The following ARHGAP39 variants were observed in gnomAD, a reference collection of about 807,000 sequenced individuals.
ARHGAP39 encodes Rho GTPase activating protein 39, also known as rho GTPase-activating protein 39.
ARHGAP39 carries 44 observed loss-of-function variants against 106.9 expected under a neutral mutation model. The observed-to-expected ratio is 0.41, with a 90% CI of 0.32 to 0.53. ARHGAP39 has a LOEUF of 0.53. ARHGAP39 is among the 20% of genes least tolerant of loss of function. The pLI, the probability that ARHGAP39 is intolerant of heterozygous loss-of-function variation, is 0.21. For missense variants in ARHGAP39, 1,496 were observed against 1,577.3 expected (o/e 0.95, Z 0.87); for synonymous variants, 768 against 693.2 (o/e 1.11, Z -1.69).
intron 3 of ARHGAP39, among the ~76,000 whole-genome samples, chr8:144,571,335 A>G (rs988574183): frequency 7.2e-5 from 11 of 152,230 alleles, no homozygotes; most frequent in African/African-American, 2.7e-4. Context: ...ACATACGCAA[A>G]TCAACAAATG....
upstream of ARHGAP39, among the ~76,000 whole-genome samples, chr8:144,685,979 C>T (rs1822580916): frequency 6.6e-6 from 1 of 151,280 alleles, no homozygotes; most frequent in Non-Finnish European, 1.5e-5. Flanking sequence ...CGCGGCATGC[C>T]GGGAGCCGGA....
intron 7 of ARHGAP39, among the ~76,000 whole-genome samples, chr8:144,536,345 G>A (rs924530668): frequency 2.0e-5 from 3 of 152,098 alleles, no homozygotes; most frequent in Non-Finnish European, 4.4e-5. Flanking sequence ...GCCACCAGGT[G>A]TGGCCAGGGC....
chr8:144,534,981 G>A (rs922362070), intron 7 of ARHGAP39, among the ~76,000 whole-genome samples: 3 of 152,194 alleles, frequency 2.0e-5, no homozygotes, highest in African/African-American at 4.8e-5. Context: ...GCTCCAGGTC[G>A]GGAAGCAGCA....
At position 144,645,307 on chromosome 8, in the gene ARHGAP39, T is replaced by C. The variant is rs899969890; in HGVS notation, c.-81-39612A>G. Among the ~76,000 whole-genome samples the C allele has an allele frequency of 6.6e-6, 1 of 152,240 alleles. No homozygotes were observed. Among genetic ancestry groups the C allele is most frequent in the African/African-American group, 2.4e-5 (1 of 41,468 alleles). Reference sequence around the variant, plus strand: ...AGAAGTCCAGGTGTCAAGGAGAGGTTGGCCATGAGGTCAGATGCCCAGCTG... The same window carrying C: ...AGAAGTCCAGGTGTCAAGGAGAGGTCGGCCATGAGGTCAGATGCCCAGCTG... On this transcript the variant is annotated intron_variant, in intron 1 of 11. Coordinates refer to ENST00000377307, the MANE Select transcript of ARHGAP39 (RefSeq NM_025251.3). This position sits in a 1 kb window ranked among gnomAD's most constrained non-coding sequence, Gnocchi z 4.4.
chr8:144,566,624 G>C (rs1010483149), intron 3 of ARHGAP39, among the ~76,000 whole-genome samples: 1 of 152,198 alleles, frequency 6.6e-6, no homozygotes, highest in South Asian at 2.1e-4. Context: ...GGGAGGCCAA[G>C]GTGGGCAGAT....
rs780728640 is a variant in ARHGAP39 at position 144,580,934 on chromosome 8, G to A, written c.424C>T (p.Pro142Ser). Residue 142 changes from proline (P) to serine (S), a missense_variant, in exon 3 of 12, where the codon CCC (proline) becomes TCC (serine). By Grantham distance (74) the Pro-to-Ser change is moderately conservative (BLOSUM62 -1). Around this residue, in one of 4 missense-constraint regions of ARHGAP39, gnomAD observed 905 missense variants for 816.4 expected, o/e 1.11. Coordinates refer to ENST00000377307, the MANE Select transcript of ARHGAP39 (RefSeq NM_025251.3). Reference protein sequence around the residue: ...REGSTSSSLEPEPDTEKAQEL... With the variant: ...REGSTSSSLESEPDTEKAQEL... ...TGCGCTTTCTCAGTGTCGGGCTCGGGCTCCAGGGAGGAGCTGGTGCTGCCC... is the reference window on the plus strand; with the variant it reads ...TGCGCTTTCTCAGTGTCGGGCTCGGACTCCAGGGAGGAGCTGGTGCTGCCC... The A allele has an allele frequency of 1.6e-5, 26 of 1,605,262 alleles. No individual in the cohort carries two copies. Among genetic ancestry groups the A allele is most frequent in the Non-Finnish European group, 2.0e-5 (24 of 1,178,190 alleles).
intron 1 of ARHGAP39, among the ~76,000 whole-genome samples, chr8:144,614,354 A>ATTTT (rs553972832): frequency 0.023 from 3,079 of 136,582 alleles, 112 homozygotes; most frequent in African/African-American, 0.078. Context: ...TCCTGTTACT[A>ATTTT]TTTTTTTTTT....
chr8:144,584,324 T>C (rs994249219), intron 2 of ARHGAP39: 4 of 152,124 alleles, frequency 2.6e-5, no homozygotes, highest in Non-Finnish European at 4.4e-5. Context: ...TCAGTTGCTT[T>C]TCACACTGAA....
chr8:144,552,141 C>G (rs190869648), intron 4 of ARHGAP39, among the ~76,000 whole-genome samples: 1 of 152,234 alleles, frequency 6.6e-6, no homozygotes, highest in Non-Finnish European at 1.5e-5. Flanking sequence ...GCCTTAAGAG[C>G]GGTCGTGGCC....
At chr8:144,593,868 T>A (rs1456609299) in intron 2 of ARHGAP39, among the ~76,000 whole-genome samples, 3 of 152,070 alleles carry the variant, frequency 2.0e-5, no homozygotes, top group East Asian at 3.9e-4. Flanking sequence ...GGCAGGTGGA[T>A]CACCTAAGTC....
chr8:144,657,187 A>G (rs1165904208), intron 1 of ARHGAP39, among the ~76,000 whole-genome samples: 2 of 152,160 alleles, frequency 1.3e-5, no homozygotes, highest in African/African-American at 4.8e-5. Context: ...TGAACCCAAA[A>G]GTTCAAGACC....
the ARHGAP39 span, among the ~76,000 whole-genome samples, chr8:144,693,410 G>A: frequency 2.0e-5 from 3 of 150,016 alleles, no homozygotes; most frequent in East Asian, 3.9e-4. Flanking sequence ...GTCTTGCTCT[G>A]TCGCCCAGGC....
At chr8:144,609,784 T>G (rs573459655) in intron 1 of ARHGAP39, among the ~76,000 whole-genome samples, 8 of 152,366 alleles carry the variant, frequency 5.3e-5, no homozygotes, top group African/African-American at 1.7e-4. Flanking sequence ...TATTCATTTT[T>G]GCATCTATTT....
intron 1 of ARHGAP39, among the ~76,000 whole-genome samples, chr8:144,650,034 T>C (rs932506205): frequency 4.0e-5 from 6 of 151,820 alleles, no homozygotes; most frequent in Admixed American, 6.6e-5. Flanking sequence ...TCCCAGCTAC[T>C]TGGAAGGCTA....
intron 3 of ARHGAP39, among the ~76,000 whole-genome samples, chr8:144,568,309 G>C (rs1268515805): frequency 6.9e-6 from 1 of 144,598 alleles, no homozygotes; most frequent in Non-Finnish European, 1.5e-5. Context: ...ACTCCAGCCT[G>C]GGTGACAGAG....
intron 3 of ARHGAP39, among the ~76,000 whole-genome samples, chr8:144,558,395 C>A (rs1818023403): frequency 6.6e-6 from 1 of 152,078 alleles, no homozygotes; most frequent in Non-Finnish European, 1.5e-5. Context: ...CAGGTTCAAG[C>A]AATTCTCCTG....
chr8:144,685,975 A>G (rs1822580700), upstream of ARHGAP39, among the ~76,000 whole-genome samples: 1 of 151,236 alleles, frequency 6.6e-6, no homozygotes. Flanking sequence ...GGCGCGCGGC[A>G]TGCCGGGAGC....
rs1821409668 is a variant in ARHGAP39, at chr8:144,645,096, AG to A, written c.-81-39402del. Among the ~76,000 whole-genome samples, 1 of 152,224 alleles carries A rather than the reference AG, an allele frequency of 6.6e-6. No individual in the cohort carries two copies. The highest frequency in any genetic ancestry group is 2.1e-4 in the South Asian group (1 of 4,834). On this transcript the variant is annotated intron_variant, in intron 1 of 11. Coordinates refer to ENST00000377307, the MANE Select transcript of ARHGAP39 (RefSeq NM_025251.3). The surrounding 1 kb of genome is among the most constrained non-coding windows in gnomAD (Gnocchi z 4.4). Reference sequence around the variant, plus strand: ...CGAAGAAAACACTGGGCAGGTCCACAGTTAAACTGCAACTCTCTAACAAGAA... The same window carrying A: ...CGAAGAAAACACTGGGCAGGTCCACATTAAACTGCAACTCTCTAACAAGAA...
At position 144,580,834 on chromosome 8, in the gene ARHGAP39, C is replaced by T. The variant is rs1297110703; in HGVS notation, c.512+12G>A. 2.0e-6 allele frequency: 3 copies of T among 1,533,692 alleles called. No individual in the cohort carries two copies. Among genetic ancestry groups the T allele is most frequent in the Non-Finnish European group, 2.6e-6 (3 of 1,147,812 alleles). On this transcript the variant is annotated intron_variant, in intron 3 of 11. Transcript: ENST00000377307. Reference sequence around the variant, plus strand: ...ACCTGGCCCCGCCCATAGCAGCTGCCCCCGCCCTCACCTGCCGCTGTCCTC... The same window carrying T: ...ACCTGGCCCCGCCCATAGCAGCTGCTCCCGCCCTCACCTGCCGCTGTCCTC...
Sources: gnomAD v4.1 joint callset for allele counts (sites outside exome capture counted in the v4.1 genomes callset) on GRCh38, gnomAD v4.1.1 for gene constraint, gnomAD v4.1.1 regional missense constraint, Gnocchi (gnomAD v3.1) non-coding constraint, MANE v1.5 for transcripts, NCBI Gene and HGNC (gene_info 2026-07-23, HGNC 2026-07-21) for gene names.